The following LRRC7 variants were observed in gnomAD, a reference collection of about 807,000 sequenced individuals.
LRRC7 encodes the protein leucine rich repeat containing 7.
In LRRC7, 23 loss-of-function variants were observed where a neutral mutation model predicts 175.7. The ratio of observed to expected loss-of-function variants is 0.13; its 90% CI spans 0.09 to 0.19. LRRC7 has a LOEUF of 0.19. LRRC7 is among the 10% of genes least tolerant of loss of function. The pLI is 1.00. For synonymous variants in LRRC7, 685 were observed against 680.9 expected, an observed-to-expected ratio of 1.01 and a Z score of -0.09; for missense variants, 1,354 against 1,904.7, an observed-to-expected ratio of 0.71 and a Z score of 5.38.
chr1:69,934,123 C>G (rs1437649086), intron 8 of LRRC7, among the ~76,000 whole-genome samples: 1 of 152,032 alleles, frequency 6.6e-6, no homozygotes, highest in African/African-American at 2.4e-5. Context: ...AGATTTTGCT[C>G]TGATAAGAGA....
chr1:69,986,487 C>A, intron 10 of LRRC7, 101 bp downstream of exon 10: 2 of 874,384 alleles, frequency 2.3e-6, no homozygotes, highest in Non-Finnish European at 3.2e-6. Context: ...TACTGTTAGT[C>A]TGATGTTAAT....
At chr1:69,985,388 G>A (rs1171526235) in intron 9 of LRRC7, among the ~76,000 whole-genome samples, 1 of 152,136 alleles carries the variant, frequency 6.6e-6, no homozygotes, top group Non-Finnish European at 1.5e-5. Flanking sequence ...AAATTTTAAG[G>A]ATCTACATGT....
At chr1:69,881,721 A>AT (rs58925359) in intron 7 of LRRC7, among the ~76,000 whole-genome samples, 83,173 of 151,042 alleles carry the variant, frequency 0.55, 23,003 homozygotes, top group East Asian at 0.7. Flanking sequence ...CTACAAAAAA[A>AT]AAAACAAAAT....
chr1:69,910,370 T>A (rs1016042290), intron 7 of LRRC7, among the ~76,000 whole-genome samples: 6 of 152,198 alleles, frequency 3.9e-5, no homozygotes, highest in East Asian at 1.9e-4. Flanking sequence ...TTTGTGTGGA[T>A]GTCCTTTCTG....
intron 7 of LRRC7, among the ~76,000 whole-genome samples, chr1:69,870,408 C>A (rs2101576157): frequency 6.6e-6 from 1 of 152,012 alleles, no homozygotes; most frequent in South Asian, 2.1e-4. Flanking sequence ...TTGATTGAGC[C>A]TGGTATCAAG....
intron 1 of LRRC7, among the ~76,000 whole-genome samples, chr1:69,663,202 C>A (rs936325528): frequency 2.0e-5 from 3 of 151,708 alleles, no homozygotes; most frequent in African/African-American, 7.3e-5. Flanking sequence ...AATTTTGAGA[C>A]CTACAGAAAT....
At chr1:69,769,377 A>T (rs972765847) in intron 3 of LRRC7, among the ~76,000 whole-genome samples, 1 of 152,202 alleles carries the variant, frequency 6.6e-6, no homozygotes, top group African/African-American at 2.4e-5. Flanking sequence ...CTAATCTGAA[A>T]ATCTGAAATC....
At chr1:69,577,980 A>G (rs1197931771) in intron 1 of LRRC7, among the ~76,000 whole-genome samples, 1 of 152,152 alleles carries the variant, frequency 6.6e-6, no homozygotes, top group East Asian at 1.9e-4. Context: ...CATTATGGCC[A>G]TTTTCATGAT....
chr1:69,872,101 T>G (rs1383404489), intron 7 of LRRC7, among the ~76,000 whole-genome samples: 1 of 152,034 alleles, frequency 6.6e-6, no homozygotes, highest in African/African-American at 2.4e-5. Context: ...AAATTTCTAA[T>G]GCAGCTAATG....
intron 14 of LRRC7, among the ~76,000 whole-genome samples, chr1:70,017,778 A>G (rs1158389048): frequency 1.3e-5 from 2 of 152,142 alleles, no homozygotes; most frequent in Non-Finnish European, 2.9e-5. Context: ...TTCAAATTCA[A>G]ATCTTATCAA....
Position 70,107,914 on chromosome 1 carries a change from A to G in LRRC7, c.4620+88A>G. Reference sequence around the variant, plus strand: ...CAAGTTAAATGATTTGAATTAAATGATTGAAAATAAGTCCTTCTCACATTG... The same window carrying G: ...CAAGTTAAATGATTTGAATTAAATGGTTGAAAATAAGTCCTTCTCACATTG... On this transcript the variant is annotated intron_variant, in intron 26 of 26. Transcript: ENST00000651989. The G allele has an allele frequency of 5.9e-6, 7 of 1,189,854 alleles. No homozygotes were observed. In the South Asian group the frequency reaches 8.9e-5, roughly 15 times the overall value. The allele number at this position is 1,189,854 out of a possible 1,614,324, so 73.7% of individuals were successfully genotyped here.
chr1:69,631,114 C>T (rs1280951917), intron 1 of LRRC7, among the ~76,000 whole-genome samples: 2 of 151,916 alleles, frequency 1.3e-5, no homozygotes, highest in African/African-American at 4.8e-5. Flanking sequence ...CAGATCAAAT[C>T]AGGGTAATTG....
chr1:70,129,171 C>T lies in LRRC7; in HGVS notation c.*7284C>T, dbSNP rs535835043. Reference sequence around the variant, plus strand: ...CTGAGGCAGGAGAATTGCTTCAACCCAGCAGGCGGAGGTTGCAGTGAGCTG... The same window carrying T: ...CTGAGGCAGGAGAATTGCTTCAACCTAGCAGGCGGAGGTTGCAGTGAGCTG... On this transcript the variant is annotated 3_prime_UTR_variant, in exon 27 of 27. Transcript: ENST00000651989. 2.6e-5 allele frequency among the ~76,000 whole-genome samples: 4 copies of T among 151,798 alleles called. No individual in the cohort carries two copies. In the South Asian group the frequency reaches 8.3e-4, roughly 32 times the overall value.
At chr1:69,923,131 TA>T (rs1239980908) in intron 7 of LRRC7, among the ~76,000 whole-genome samples, 9 of 152,192 alleles carry the variant, frequency 5.9e-5, no homozygotes, top group Non-Finnish European at 1.3e-4. Flanking sequence ...TCCATGTCCC[TA>T]CAAAGGACAT....
intron 4 of LRRC7, among the ~76,000 whole-genome samples, chr1:69,822,177 G>A (rs1283538622): frequency 6.6e-6 from 1 of 152,124 alleles, no homozygotes; most frequent in Admixed American, 6.6e-5. Context: ...ACAAAGCCAG[G>A]CTGTGTGCTG....
intron 14 of LRRC7, among the ~76,000 whole-genome samples, chr1:70,017,043 C>G (rs146224436): frequency 1.3e-5 from 2 of 151,924 alleles, no homozygotes; most frequent in Admixed American, 1.3e-4. Flanking sequence ...TTTGGGAGGC[C>G]GAGGCACACA....
chr1:69,957,990 AAC>A (rs1650674574), intron 8 of LRRC7, among the ~76,000 whole-genome samples: 1 of 151,978 alleles, frequency 6.6e-6, no homozygotes, highest in Non-Finnish European at 1.5e-5. Context: ...ATGTATTTTC[AAC>A]ATTTCAAATA....
Position 69,821,801 on chromosome 1 carries a change from A to C in LRRC7, c.422-3947A>C, listed in dbSNP as rs554025307. On this transcript the variant is annotated intron_variant, in intron 4 of 26. Transcript: ENST00000651989. ...TCCCAGCTACTCGGGAGGCTGAGGC[A>C]GGATAATCACTTGAACCTGGGAGGT... Among the ~76,000 whole-genome samples the C allele has an allele frequency of 4.6e-5, 7 of 152,182 alleles. No individual in the cohort carries two copies. In the East Asian group the frequency reaches 1.2e-3, roughly 25 times the overall value.
intron 1 of LRRC7, among the ~76,000 whole-genome samples, chr1:69,604,909 C>G (rs1749509): frequency 6.6e-6 from 1 of 152,104 alleles, no homozygotes; most frequent in Non-Finnish European, 1.5e-5. Flanking sequence ...GCACGTGTAA[C>G]AAAATGTTAA....
Sources: allele counts gnomAD v4.1 joint callset (sites outside exome capture counted in the v4.1 genomes callset), GRCh38; gene constraint gnomAD v4.1.1; transcripts MANE v1.5; gene names NCBI Gene and HGNC (gene_info 2026-07-23, HGNC 2026-07-21).